Variants in SYNE2 observed in about 807,000 individuals in gnomAD.
SYNE2 encodes nesprin-2.
Under a neutral mutation model 856.3 loss-of-function variants are expected in SYNE2, and 431 were observed. The ratio of observed to expected loss-of-function variants is 0.50; its 90% CI spans 0.47 to 0.55. The LOEUF is 0.55. Among genes scored for constraint, SYNE2 ranks in the 20% least tolerant of loss-of-function variants. The probability of loss-of-function intolerance (pLI) is 0.00; values close to 1 mark genes in which losing one functional copy is unlikely to be tolerated. For missense variants in SYNE2, 8,129 were observed against 8,023.2 expected (o/e 1.01, Z -0.50); for synonymous variants, 2,923 against 2,872.3 (o/e 1.02, Z -0.56).
intron 49 of SYNE2, among the ~76,000 whole-genome samples, chr14:64,057,737 A>G (rs867752503): frequency 2.0e-5 from 3 of 152,172 alleles, no homozygotes; most frequent in Non-Finnish European, 4.4e-5. Context: ...ATTACCACCA[A>G]CAGCATATGA....
intron 63 of SYNE2, chr14:64,100,257 A>G (rs1377975493): frequency 6.6e-6 from 1 of 151,586 alleles, no homozygotes; most frequent in East Asian, 1.9e-4. Context: ...GCATATTCTC[A>G]CTCATAGGTG....
At chr14:64,107,133 G>C (rs990983035) in intron 64 of SYNE2, among the ~76,000 whole-genome samples, 1 of 152,134 alleles carries the variant, frequency 6.6e-6, no homozygotes, top group African/African-American at 2.4e-5. Flanking sequence ...GGGATTATAG[G>C]TGTGAGACAT....
intron 1 of SYNE2, among the ~76,000 whole-genome samples, chr14:63,891,596 G>A (rs1351832426): frequency 2.0e-5 from 3 of 151,808 alleles, no homozygotes; most frequent in African/African-American, 4.8e-5. Flanking sequence ...TGCTGTTCTC[G>A]GTTGTCTTCA....
intron 1 of SYNE2, among the ~76,000 whole-genome samples, chr14:63,825,910 G>T (rs1298495136): frequency 6.6e-6 from 1 of 151,994 alleles, no homozygotes; most frequent in South Asian, 2.1e-4. Context: ...CTAAGTAAAT[G>T]AAAAGATAGC....
intron 2 of SYNE2, among the ~76,000 whole-genome samples, chr14:63,939,433 C>T (rs377215245): frequency 1.3e-5 from 2 of 151,626 alleles, no homozygotes; most frequent in African/African-American, 2.4e-5. Flanking sequence ...CTGCAACCTC[C>T]GCCTCCTCGG....
intron 11 of SYNE2, among the ~76,000 whole-genome samples, chr14:63,968,659 A>G (rs1340655414): frequency 6.6e-6 from 1 of 152,212 alleles, no homozygotes; most frequent in Non-Finnish European, 1.5e-5. Flanking sequence ...GTCATTGGGT[A>G]TAATATTCTA....
intron 88 of SYNE2, among the ~76,000 whole-genome samples, chr14:64,163,187 T>C (rs1044155724): frequency 1.3e-5 from 2 of 152,226 alleles, no homozygotes; most frequent in African/African-American, 4.8e-5. Context: ...GTGGTCACTT[T>C]TAGTTTTGAA....
chr14:64,151,243 T>C (rs1344889525), intron 84 of SYNE2, among the ~76,000 whole-genome samples: 2 of 151,872 alleles, frequency 1.3e-5, no homozygotes, highest in African/African-American at 2.4e-5. Flanking sequence ...ACCTGAGGGC[T>C]CCTCACGTGG....
intron 64 of SYNE2, 91 bp from the exon 65 acceptor site, chr14:64,107,400 G>C: frequency 8.5e-7 from 1 of 1,175,180 alleles, no homozygotes. Flanking sequence ...TTTGCAAGCA[G>C]GTAGTTTGTA....
At chr14:63,779,938 G>A (rs1017438872) in intron 1 of SYNE2, among the ~76,000 whole-genome samples, 54 of 152,006 alleles carry the variant, frequency 3.6e-4, no homozygotes, top group African/African-American at 1.2e-3. Flanking sequence ...TAAAATAAAC[G>A]GAATACAGAT....
chr14:63,810,442 A>G (rs1208773538), intron 1 of SYNE2, among the ~76,000 whole-genome samples: 1 of 152,196 alleles, frequency 6.6e-6, no homozygotes, highest in African/African-American at 2.4e-5. Context: ...AGATTACTTC[A>G]TCTTCAAAGA....
chr14:63,820,584 C>T (rs1438744317), intron 1 of SYNE2, among the ~76,000 whole-genome samples: 1 of 151,996 alleles, frequency 6.6e-6, no homozygotes, highest in Non-Finnish European at 1.5e-5. Context: ...CTTCAAAAAA[C>T]ACTGCTAAGG....
intron 1 of SYNE2, among the ~76,000 whole-genome samples, chr14:63,830,283 G>A (rs1032229166): frequency 3.6e-4 from 55 of 150,688 alleles, no homozygotes; most frequent in African/African-American, 1.3e-3. Context: ...TTTTTTGAGG[G>A]TAACAAAATA....
Position 64,163,393 on chromosome 14 carries a change from C to T in SYNE2, c.16300-9C>T. ...GAAGAGGTGTTTGCCATCCCTTTTT[C>T]TTCTGCAGGAGCTGCAGCATGATGT... is the stretch of plus-strand genomic sequence containing the variant. On this transcript the variant is annotated splice_polypyrimidine_tract_variant and intron_variant, in intron 88 of 115. Transcript: ENST00000555002. 6.2e-7 allele frequency: 1 copy of T among 1,613,674 alleles called. No individual in the cohort carries two copies.
chr14:64,222,145 A>G (rs1042510406), intron 112 of SYNE2, among the ~76,000 whole-genome samples: 1 of 152,192 alleles, frequency 6.6e-6, no homozygotes, highest in African/African-American at 2.4e-5. Flanking sequence ...ACACACCAAG[A>G]TGAGATTTCT....
chr14:64,005,784 G>A (rs1393126494), intron 30 of SYNE2, among the ~76,000 whole-genome samples: 1 of 152,196 alleles, frequency 6.6e-6, no homozygotes, highest in African/African-American at 2.4e-5. Context: ...CATTTTACAA[G>A]GCTGTTTAAA....
intron 1 of SYNE2, among the ~76,000 whole-genome samples, chr14:63,819,368 A>G (rs1302054490): frequency 1.3e-5 from 2 of 151,972 alleles, no homozygotes; most frequent in East Asian, 3.9e-4. Flanking sequence ...AGTAACTGGG[A>G]TTACAGGTGT....
chr14:63,850,508 C>T (rs1890374828), upstream of SYNE2, among the ~76,000 whole-genome samples: 1 of 152,040 alleles, frequency 6.6e-6, no homozygotes, highest in Non-Finnish European at 1.5e-5. Context: ...ATGAGCCATC[C>T]ATTTATAGGC....
Position 63,977,803 on chromosome 14 carries a change from AT to A in SYNE2, c.1294-93del, listed in dbSNP as rs533153218. On this transcript the variant is annotated intron_variant, in intron 12 of 115. Transcript: ENST00000555002. ...GGTGGGTTGTGGGGAGGGTTTTATG[AT>A]TTTTTTTTGAAAAAAGATGTAATGC... The A allele has an allele frequency of 6.4e-4, 534 of 835,724 alleles. 1 individual carries two copies. Among genetic ancestry groups the A allele is most frequent in the South Asian group, 1.3e-3 (91 of 70,296 alleles). The allele number at this position is 835,724 out of a possible 1,614,324, so 51.8% of individuals were successfully genotyped here.
Sources: gnomAD v4.1 joint callset for allele counts (sites outside exome capture counted in the v4.1 genomes callset) on GRCh38, gnomAD v4.1.1 for gene constraint, MANE v1.5 for transcripts, NCBI Gene and HGNC (gene_info 2026-07-23, HGNC 2026-07-21) for gene names.